Variants in HOXC11 observed in about 807,000 individuals in gnomAD.
HOXC11 encodes homeobox protein Hox-C11.
A neutral mutation model predicts 23.6 loss-of-function variants in HOXC11; 17 were observed. That is an observed-to-expected ratio of 0.72 (90% CI 0.49 to 1.08). The LOEUF (loss-of-function observed/expected upper bound fraction) is 1.08. HOXC11 is among the 50% of genes least tolerant of loss of function. The pLI is 0.00. For missense variants in HOXC11, 413 were observed against 412.1 expected (o/e 1.00, Z -0.02); for synonymous variants, 196 against 183.8 (o/e 1.07, Z -0.54).
rs1592197143 is a variant in HOXC11 at position 53,975,561 on chromosome 12, A to G, written c.*148A>G. The G allele has an allele frequency of 1.4e-6, 1 of 704,806 alleles. No individual in the cohort carries two copies. The highest frequency in any genetic ancestry group is 1.5e-5 in the South Asian group (1 of 64,900). 43.7% of individuals were successfully genotyped at this position (704,806 alleles called of 1,614,324 possible). ...CCCCCACCGCTGTGGCCGGCACTCC[A>G]TTCCGGAACCTCCTGGACCCTCTAT... On this transcript the variant is annotated 3_prime_UTR_variant, in exon 2 of 2. Transcript: ENST00000546378.
At position 53,973,465 on chromosome 12, in the gene HOXC11, A is replaced by G. The variant is rs1939185486; in HGVS notation, c.224A>G (p.Tyr75Cys). ...GTGCCCCCGGTCCGGGAGGTCTCCTACGGCCTGGAGCCATCCGGCAAGTGG... is the reference window on the plus strand; with the variant it reads ...GTGCCCCCGGTCCGGGAGGTCTCCTGCGGCCTGGAGCCATCCGGCAAGTGG... Reference protein sequence around the residue: ...AQVPPVREVSYGLEPSGKWHH... With the variant: ...AQVPPVREVSCGLEPSGKWHH... Residue 75 changes from tyrosine (Y) to cysteine (C), a missense_variant, in exon 1 of 2, where the codon TAC becomes TGC. Physicochemically the swap from Tyr to Cys is radical, Grantham distance 194. Transcript: ENST00000546378. This position sits in a 1 kb window ranked among gnomAD's most constrained non-coding sequence, Gnocchi z 4.3. The G allele has an allele frequency of 6.2e-7, 1 of 1,613,698 alleles. No individual in the cohort carries two copies. The highest frequency in any genetic ancestry group is 8.5e-7 in the Non-Finnish European group (1 of 1,179,922).
Position 53,975,880 on chromosome 12 carries a change from C to CTTTGCCCCACTA in HOXC11, c.*467_*468insTTTGCCCCACTA, listed in dbSNP as rs1939249247. On this transcript the variant is annotated 3_prime_UTR_variant, in exon 2 of 2. Coordinates refer to ENST00000546378, the MANE Select transcript of HOXC11 (RefSeq NM_014212.4). ...GAGCTCCCCCCTCTACCCCGCCCCACCTTGCAGCTAAATGTGATCCTGCCT... is the reference window on the plus strand; with the variant it reads ...GAGCTCCCCCCTCTACCCCGCCCCACTTTGCCCCACTACTTGCAGCTAAATGTGATCCTGCCT... 3 of 41,626 alleles carry CTTTGCCCCACTA rather than the reference C, an allele frequency of 7.2e-5. No homozygotes were observed. In the South Asian group the frequency reaches 2.6e-3, roughly 36 times the overall value. 2.6% of individuals were successfully genotyped at this position (41,626 alleles called of 1,614,324 possible).
rs1029176093 is a variant in HOXC11, at chr12:53,977,259, C to T, written c.*1846C>T. On this transcript the variant is annotated 3_prime_UTR_variant, in exon 2 of 2. Coordinates refer to ENST00000546378, the MANE Select transcript of HOXC11 (RefSeq NM_014212.4). ...ACTTCGTTGGTCTCTGTTTCAAATT[C>T]GTTATTTGGGGGCAGAGGTTCAGGA... The T allele has an allele frequency of 6.6e-5, 10 of 152,142 alleles. No individual in the cohort carries two copies. The highest frequency in any genetic ancestry group is 2.2e-4 in the African/African-American group (9 of 41,418). The allele number at this position is 152,142 out of a possible 1,614,324, so 9.4% of individuals were successfully genotyped here. A position where few individuals can be genotyped will look rare whatever the true frequency, so the allele number is the denominator to read the frequency against.
rs1443131210 is a variant in HOXC11, at chr12:53,973,383, T to C, written c.142T>C (p.Ser48Pro). ...CTACATGCCCGAGTTCTCCACGGTC[T>C]CCTCCTTCCTGCCCCAGGCCCCCTC... Reference protein sequence around the residue: ...TYYMPEFSTVSSFLPQAPSRQ... With the variant: ...TYYMPEFSTVPSFLPQAPSRQ... The change falls in exon 1 of 2, where the codon TCC becomes CCC. Residue 48 changes from serine (S) to proline (P), a missense_variant. By Grantham distance (74) the Ser-to-Pro change is moderately conservative. Coordinates refer to ENST00000546378, the MANE Select transcript of HOXC11 (RefSeq NM_014212.4). The surrounding 1 kb of genome is among the most constrained non-coding windows in gnomAD (Gnocchi z 4.3). The C allele has an allele frequency of 6.2e-7, 1 of 1,613,988 alleles. No individual in the cohort carries two copies. The highest frequency in any genetic ancestry group is 8.5e-7 in the Non-Finnish European group (1 of 1,180,032).
At position 53,977,030 on chromosome 12, in the gene HOXC11, CACA is replaced by C. The variant is rs921660228; in HGVS notation, c.*1622_*1624del. On this transcript the variant is annotated 3_prime_UTR_variant, in exon 2 of 2. Transcript: ENST00000546378. ...GCACAAATGGCCAGGCTCTTCCAGA[CACA>C]ACAAGACGCCTATACTGGGGCCACC... The C allele has an allele frequency of 2.0e-5, 3 of 152,332 alleles. No individual in the cohort carries two copies. The highest frequency in any genetic ancestry group is 2.1e-4 in the South Asian group (1 of 4,824). 9.4% of individuals were successfully genotyped at this position (152,332 alleles called of 1,614,324 possible).
In HOXC11 at chr12:53,977,261, T is replaced by C. The variant is rs1349264991; in HGVS notation, c.*1848T>C. On this transcript the variant is annotated 3_prime_UTR_variant, in exon 2 of 2. Coordinates refer to ENST00000546378, the MANE Select transcript of HOXC11 (RefSeq NM_014212.4). ...TTCGTTGGTCTCTGTTTCAAATTCGTTATTTGGGGGCAGAGGTTCAGGACA... is the reference window on the plus strand; with the variant it reads ...TTCGTTGGTCTCTGTTTCAAATTCGCTATTTGGGGGCAGAGGTTCAGGACA... 6.6e-6 allele frequency: 1 copy of C among 152,200 alleles called. No individual in the cohort carries two copies. Among genetic ancestry groups the C allele is most frequent in the Non-Finnish European group, 1.5e-5 (1 of 68,032 alleles). 9.4% of individuals were successfully genotyped at this position (152,200 alleles called of 1,614,324 possible). A position where few individuals can be genotyped will look rare whatever the true frequency, so the allele number is the denominator to read the frequency against.
chr12:53,975,832 A>T lies in HOXC11; in HGVS notation c.*419A>T. The T allele has an allele frequency of 2.4e-6, 1 of 416,958 alleles. No homozygotes were observed. Among genetic ancestry groups the T allele is most frequent in the Non-Finnish European group, 4.2e-6 (1 of 237,532 alleles). The allele number at this position is 416,958 out of a possible 1,614,324, so 25.8% of individuals were successfully genotyped here. A position where few individuals can be genotyped will look rare whatever the true frequency, so the allele number is the denominator to read the frequency against. ...ATGTGAAAAGATCCGCTAAGACAGC[A>T]TGTCTGCCAGCGGAAACTTCTCGAG... On this transcript the variant is annotated 3_prime_UTR_variant, in exon 2 of 2. Transcript: ENST00000546378.
chr12:53,975,767 T>A lies in HOXC11; in HGVS notation c.*354T>A. On this transcript the variant is annotated 3_prime_UTR_variant, in exon 2 of 2. Coordinates refer to ENST00000546378, the MANE Select transcript of HOXC11 (RefSeq NM_014212.4). Reference sequence around the variant, plus strand: ...GGGAGGGGCGACAGTAGTGAGCGCCTGAGCCGAACAATCCTCGAACTAAAA... The same window carrying A: ...GGGAGGGGCGACAGTAGTGAGCGCCAGAGCCGAACAATCCTCGAACTAAAA... 2.0e-6 allele frequency: 1 copy of A among 506,690 alleles called. No individual in the cohort carries two copies. The highest frequency in any genetic ancestry group is 3.4e-6 in the Non-Finnish European group (1 of 289,964). 31.4% of individuals were successfully genotyped at this position (506,690 alleles called of 1,614,324 possible). A position where few individuals can be genotyped will look rare whatever the true frequency, so the allele number is the denominator to read the frequency against.
At position 53,975,892 on chromosome 12, in the gene HOXC11, A is replaced by C; in HGVS notation, c.*479A>C. On this transcript the variant is annotated 3_prime_UTR_variant, in exon 2 of 2. Transcript: ENST00000546378. The stretch of plus-strand genomic sequence containing the variant: ...CTACCCCGCCCCACCTTGCAGCTAA[A>C]TGTGATCCTGCCTTGCTGTGAAATT... The C allele has an allele frequency of 5.7e-6, 2 of 348,406 alleles. No homozygotes were observed. The highest frequency in any genetic ancestry group is 1.0e-5 in the Non-Finnish European group (2 of 194,284). The allele number at this position is 348,406 out of a possible 1,614,324, so 21.6% of individuals were successfully genotyped here. A position where few individuals can be genotyped will look rare whatever the true frequency, so the allele number is the denominator to read the frequency against.
rs776956613 is a variant in HOXC11 at position 53,973,764 on chromosome 12, G to A, written c.523G>A (p.Gly175Ser). The change falls in exon 1 of 2, where the codon GGC becomes AGC. Residue 175 changes from glycine to serine, a missense_variant. Gly to Ser is a moderately conservative substitution (Grantham distance 56, BLOSUM62 0). Coordinates refer to ENST00000546378, the MANE Select transcript of HOXC11 (RefSeq NM_014212.4). This position sits in a 1 kb window ranked among gnomAD's most constrained non-coding sequence, Gnocchi z 4.3. ...PPAEPPCSGK[G>S]EAKGEPEAPP... ...CGCCGAGCCCCCCTGCTCCGGCAAG[G>A]GCGAGGCCAAGGGGGAGCCCGAGGC... is the stretch of plus-strand genomic sequence containing the variant. 17 of 1,611,842 alleles carry A rather than the reference G, an allele frequency of 1.1e-5. No homozygotes were observed. The Admixed American group carries it at 1.7e-4, about 16-fold the overall frequency.
rs539197544 is a variant in HOXC11 at position 53,975,285 on chromosome 12, C to A, written c.787C>A (p.Leu263Met). Residue 263 changes from leucine (L) to methionine (M), a missense_variant, in exon 2 of 2, where the codon CTG becomes ATG. Transcript: ENST00000546378. ...CGTGTATATCAACAAAGAGAAGCGG[C>A]TGCAGCTGTCCCGGATGCTGAACCT... ...FNVYINKEKRLQLSRMLNLTD... is the reference protein window; with the variant it reads ...FNVYINKEKRMQLSRMLNLTD... The A allele has an allele frequency of 6.2e-7, 1 of 1,613,722 alleles. No homozygotes were observed. Among genetic ancestry groups the A allele is most frequent in the South Asian group, 1.1e-5 (1 of 91,054 alleles).
chr12:53,974,419 C>A (rs1022711498), intron 1 of HOXC11, among the ~76,000 whole-genome samples: 1 of 151,890 alleles, frequency 6.6e-6, no homozygotes, highest in African/African-American at 2.4e-5. Context: ...AACCTGAGAC[C>A]GGAGAGGCAA....
intron 1 of HOXC11, among the ~76,000 whole-genome samples, chr12:53,974,560 G>A (rs1168072564): frequency 6.6e-6 from 1 of 152,166 alleles, no homozygotes; most frequent in African/African-American, 2.4e-5. Context: ...AGGCGGCGCA[G>A]GACTCCACTG....
In HOXC11 at chr12:53,973,519, A is replaced by T. The variant is rs945638731; in HGVS notation, c.278A>T (p.Tyr93Phe). The change falls in exon 1 of 2, where the codon TAT (tyrosine) becomes TTT (phenylalanine). Residue 93 changes from tyrosine to phenylalanine, a missense_variant. Tyr to Phe is a conservative substitution (Grantham distance 22). Transcript: ENST00000546378. This position sits in a 1 kb window ranked among gnomAD's most constrained non-coding sequence, Gnocchi z 4.3. ...CATCGGAACAGCTACTCCTCCTGCT[A>T]TGCGGCGGCCGACGAGCTTATGCAC... ...WHHRNSYSSC[Y>F]AAADELMHRE... is the part of the protein sequence containing the mutation. The T allele has an allele frequency of 1.2e-6, 2 of 1,613,478 alleles. No individual in the cohort carries two copies. The highest frequency in any genetic ancestry group is 1.7e-6 in the Non-Finnish European group (2 of 1,179,958).
chr12:53,973,580 C>A lies in HOXC11; in HGVS notation c.339C>A (p.Ile113=). ...TGCCTCCTTCCACCGTCACCGAGATCCTCATGAAAAACGAAGGCTCCTACG... is the reference window on the plus strand; with the variant it reads ...TGCCTCCTTCCACCGTCACCGAGATACTCATGAAAAACGAAGGCTCCTACG... The part of the protein sequence containing the change: ...ECLPPSTVTE[I]LMKNEGSYGG... The change falls in exon 1 of 2, where the codon ATC becomes ATA. Residue 113 remains isoleucine (I), a synonymous_variant. Transcript: ENST00000546378. The surrounding 1 kb of genome is among the most constrained non-coding windows in gnomAD (Gnocchi z 4.3). 6.2e-7 allele frequency: 1 copy of A among 1,613,450 alleles called. No homozygotes were observed. Among genetic ancestry groups the A allele is most frequent in the South Asian group, 1.1e-5 (1 of 91,074 alleles).
At chr12:53,975,131 C>T (rs761788617) in intron 1 of HOXC11, 50 bp from the exon 2 acceptor site, 5 of 852,086 alleles carry the variant, frequency 5.9e-6, no homozygotes, top group African/African-American at 1.7e-5. Flanking sequence ...CCGGGTCTCA[C>T]GTGTCTCTCT....
At position 53,977,495 on chromosome 12, in the gene HOXC11, T is replaced by C. The variant is rs1939281646; in HGVS notation, c.*2082T>C. On this transcript the variant is annotated 3_prime_UTR_variant, in exon 2 of 2. Transcript: ENST00000546378. ...GGGTCGTGAGACAAGATTTGCAAAC[T>C]AGGGTGTATATGCAGCCCACAATTC... 1 of 152,200 alleles carries C rather than the reference T, an allele frequency of 6.6e-6. No individual in the cohort carries two copies. The highest frequency in any genetic ancestry group is 6.5e-5 in the Admixed American group (1 of 15,286). The allele number at this position is 152,200 out of a possible 1,614,324, so 9.4% of individuals were successfully genotyped here.
At chr12:53,974,977 G>C (rs1254565331) in intron 1 of HOXC11, 2 of 549,956 alleles carry the variant, frequency 3.6e-6, no homozygotes, top group African/African-American at 4.0e-5. Flanking sequence ...GCGCAGTGGC[G>C]GGGGGGTGGG....
chr12:53,973,602 T>G lies in HOXC11; in HGVS notation c.361T>G (p.Tyr121Asp), dbSNP rs770230057. Residue 121 changes from tyrosine (Y) to aspartate (D), a missense_variant, in exon 1 of 2, where the codon TAC (tyrosine) becomes GAC (aspartate). Physicochemically the swap from Tyr to Asp is radical, Grantham distance 160 (BLOSUM62 -3). Transcript: ENST00000546378. The surrounding 1 kb of genome is among the most constrained non-coding windows in gnomAD (Gnocchi z 4.3). The part of the protein sequence containing the change: ...TEILMKNEGS[Y>D]GGHHHPSAPH... ...GATCCTCATGAAAAACGAAGGCTCC[T>G]ACGGCGGCCACCACCACCCCAGCGC... 39 of 1,613,122 alleles carry G rather than the reference T, an allele frequency of 2.4e-5. No homozygotes were observed. Among genetic ancestry groups the G allele is most frequent in the Non-Finnish European group, 3.1e-5 (36 of 1,179,918 alleles).
Sources: allele counts gnomAD v4.1 joint callset (sites outside exome capture counted in the v4.1 genomes callset), GRCh38; gene constraint gnomAD v4.1.1; non-coding constraint Gnocchi (gnomAD v3.1); transcripts MANE v1.5; gene names NCBI Gene and HGNC (gene_info 2026-07-23, HGNC 2026-07-21).